PPIH: variants seen among roughly 807,000 people sequenced by gnomAD.
PPIH encodes the protein peptidyl-prolyl cis-trans isomerase H.
In PPIH, 16 loss-of-function variants were observed where a neutral mutation model predicts 27.6. The ratio of observed to expected loss-of-function variants is 0.58; its 90% CI spans 0.39 to 0.88. The LOEUF is 0.88. PPIH is among the 40% of genes least tolerant of loss of function. The pLI, the probability that PPIH is intolerant of heterozygous loss-of-function variation, is 0.00. For missense variants in PPIH, 155 were observed against 224.1 expected (o/e 0.69, Z 1.97); for synonymous variants, 63 against 76.1 (o/e 0.83, Z 0.90).
In PPIH at chr1:42,666,580, A is replaced by G. The variant is rs1449323173; in HGVS notation, c.458A>G (p.Lys153Arg). 3 of 1,613,872 alleles carry G rather than the reference A, an allele frequency of 1.9e-6. No homozygotes were observed. The highest frequency in any genetic ancestry group is 1.1e-5 in the South Asian group (1 of 91,080). ...KIIDGLLVMR[K>R]IENVPTGPNN... ...ATCGATGGACTTCTAGTGATGAGAA[A>G]GATTGAGGTAAGTACTGCTTTGATT... The change falls in exon 8 of 10, where the codon AAG (lysine) becomes AGG (arginine). Residue 153 changes from lysine to arginine, a missense_variant. Transcript: ENST00000304979.
At chr1:42,676,501 C>T (rs564849869) in intron 9 of PPIH, 83 bp from the exon 10 acceptor site, 1 of 151,708 alleles carries the variant, frequency 6.6e-6, no homozygotes, top group Non-Finnish European at 1.5e-5. Flanking sequence ...GGAGCATTGT[C>T]TCATATGGGA....
intron 3 of PPIH, 46 bp downstream of exon 3, chr1:42,659,297 G>A (rs965045564): frequency 3.7e-6 from 6 of 1,614,224 alleles, no homozygotes; most frequent in Non-Finnish European, 5.1e-6. Flanking sequence ...CCAGAGGGGT[G>A]TTCTGGGGCT....
chr1:42,675,065 T>G (rs1235050214), intron 9 of PPIH, among the ~76,000 whole-genome samples: 1 of 152,256 alleles, frequency 6.6e-6, no homozygotes, highest in African/African-American at 2.4e-5. Flanking sequence ...ACAGTCAAGA[T>G]GTAGTAATTT....
At chr1:42,669,347 A>G (rs1649509996) in intron 9 of PPIH, among the ~76,000 whole-genome samples, 1 of 152,164 alleles carries the variant, frequency 6.6e-6, no homozygotes, top group Non-Finnish European at 1.5e-5. Context: ...CATGTGATGG[A>G]TCATAGTCAA....
At chr1:42,664,776 T>C in intron 5 of PPIH, 87 bp from the exon 6 acceptor site, 1 of 1,021,122 alleles carries the variant, frequency 9.8e-7, no homozygotes, top group Non-Finnish European at 1.5e-6. Flanking sequence ...TTTAAAGATG[T>C]CATGCTTTAG....
chr1:42,666,547 G>GA lies in PPIH; in HGVS notation c.430dup (p.Ile144AsnfsTer12), dbSNP rs757059995. ...AGTCCAGCTCATGCTCTTCCTACAG[G>GA]AAAAATCATCGATGGACTTCTAGTG... On this transcript the variant is annotated frameshift_variant and splice_region_variant, in exon 8 of 10. Transcript: ENST00000304979. LOFTEE classifies it high-confidence loss of function. The GA allele has an allele frequency of 6.2e-7, 1 of 1,613,810 alleles. No individual in the cohort carries two copies. Among genetic ancestry groups the GA allele is most frequent in the South Asian group, 1.1e-5 (1 of 91,070 alleles).
chr1:42,660,724 C>G, intron 4 of PPIH, 138 bp from the exon 5 acceptor site: 1 of 735,880 alleles, frequency 1.4e-6, no homozygotes, highest in Non-Finnish European at 2.1e-6. Context: ...GCTACCGCAC[C>G]CAGCTAAGAG....
intron 2 of PPIH, 73 bp downstream of exon 2, chr1:42,658,981 C>A: frequency 6.7e-7 from 1 of 1,485,798 alleles, no homozygotes; most frequent in Non-Finnish European, 9.4e-7. Flanking sequence ...CTGAAATAGC[C>A]TGTCTACCTC....
At chr1:42,680,965 T>G (rs575978932), downstream of PPIH, among the ~76,000 whole-genome samples, 6 of 152,276 alleles carry the variant, frequency 3.9e-5, no homozygotes, top group South Asian at 1.2e-3. Context: ...AGACTCTGAA[T>G]TGACATTTAG....
chr1:42,679,902 A>C (rs1370967074), downstream of PPIH, among the ~76,000 whole-genome samples: 2 of 152,242 alleles, frequency 1.3e-5, no homozygotes, highest in African/African-American at 4.8e-5. Context: ...TTACTGGCAC[A>C]GCTGCCCAGA....
rs1649900292 is a variant in PPIH at position 42,676,640 on chromosome 1, C to G, written c.*78C>G. The G allele has an allele frequency of 6.6e-6, 1 of 151,964 alleles. No homozygotes were observed. Among genetic ancestry groups the G allele is most frequent in the Non-Finnish European group, 1.5e-5 (1 of 68,062 alleles). 9.4% of individuals were successfully genotyped at this position (151,964 alleles called of 1,614,324 possible). ...TAAGATAATCTGGACTGGCCCCCGT[C>G]TTTGCTTCCCTGCCTGCTGCTGCCC... On this transcript the variant is annotated 3_prime_UTR_variant, in exon 10 of 10. Transcript: ENST00000304979.
chr1:42,659,434 G>T, intron 3 of PPIH, 88 bp from the exon 4 acceptor site: 1 of 1,614,106 alleles, frequency 6.2e-7, no homozygotes, highest in Non-Finnish European at 8.5e-7. Context: ...CCATCTTTAG[G>T]AGAGTCCTTT....
chr1:42,679,970 T>G (rs1208861858), downstream of PPIH, among the ~76,000 whole-genome samples: 1 of 152,230 alleles, frequency 6.6e-6, no homozygotes, highest in Non-Finnish European at 1.5e-5. Flanking sequence ...GTCGCTCATT[T>G]AACGAATCTT....
At chr1:42,676,782 G>A (rs898085079), downstream of PPIH, 1 of 151,186 alleles carries the variant, frequency 6.6e-6, no homozygotes, top group African/African-American at 2.4e-5. Flanking sequence ...TTTTGGTTTT[G>A]TTTGTTTGTG....
Position 42,660,830 on chromosome 1 carries a change from A to T in PPIH, c.201-32A>T, listed in dbSNP as rs1470967797. ...CATCTATGTTTTTCTAAACCATAAA[A>T]TCTTCTCAGTATTCTTTGCTCTCTG... On this transcript the variant is annotated intron_variant, in intron 4 of 9. Transcript: ENST00000304979. 7 of 1,549,350 alleles carry T rather than the reference A, an allele frequency of 4.5e-6. No homozygotes were observed. In the East Asian group the frequency reaches 1.6e-4, roughly 35 times the overall value.
At chr1:42,675,557 A>G (rs1649840830) in intron 9 of PPIH, among the ~76,000 whole-genome samples, 1 of 152,242 alleles carries the variant, frequency 6.6e-6, no homozygotes, top group Non-Finnish European at 1.5e-5. Context: ...TGCAGCTTAC[A>G]AAGTACATTT....
chr1:42,659,100 C>A, intron 2 of PPIH, 128 bp from the exon 3 acceptor site: 2 of 1,448,542 alleles, frequency 1.4e-6, no homozygotes, highest in South Asian at 1.3e-5. Context: ...TGTGTGACTG[C>A]GTGTCTGGAC....
Position 42,664,901 on chromosome 1 carries a change from A to G in PPIH, c.282A>G (p.Pro94=). 1 of 1,613,748 alleles carries G rather than the reference A, an allele frequency of 6.2e-7. No homozygotes were observed. Among genetic ancestry groups the G allele is most frequent in the Non-Finnish European group, 8.5e-7 (1 of 1,179,882 alleles). ...GTGVASIYRG[P]FADENFKLRH... ...GAGTCGCCAGTATTTACCGGGGGCCATTTGCAGATGAAAATTTTAAACTTA... is the reference window on the plus strand; with the variant it reads ...GAGTCGCCAGTATTTACCGGGGGCCGTTTGCAGATGAAAATTTTAAACTTA... Residue 94 remains proline (P), a synonymous_variant, in exon 6 of 10, where the codon CCA becomes CCG. Coordinates refer to ENST00000304979, the MANE Select transcript of PPIH (RefSeq NM_006347.4).
chr1:42,658,724 G>C (rs1648807679), intron 1 of PPIH, 120 bp from the exon 2 acceptor site: 3 of 1,259,996 alleles, frequency 2.4e-6, no homozygotes, highest in Admixed American at 3.7e-5. Context: ...GGTTAGACTA[G>C]GGAGGCGGAG....
Sources: gnomAD v4.1 joint callset for allele counts (sites outside exome capture counted in the v4.1 genomes callset) on GRCh38, gnomAD v4.1.1 for gene constraint, MANE v1.5 for transcripts, NCBI Gene and HGNC (gene_info 2026-07-23, HGNC 2026-07-21) for gene names.